The following CEP290 variants were observed in gnomAD, a reference collection of about 807,000 sequenced individuals.
CEP290 encodes the protein centrosomal protein 290, also known as centrosomal protein of 290 kDa.
Under a neutral mutation model 344.9 loss-of-function variants are expected in CEP290, and 317 were observed. That is an observed-to-expected ratio of 0.92 (90% confidence interval 0.84 to 1.01). The LOEUF is 1.01. Among genes scored for constraint, CEP290 ranks in the 50% least tolerant of loss-of-function variants. The probability of loss-of-function intolerance (pLI) is 0.00; values close to 1 mark genes in which losing one functional copy is unlikely to be tolerated. For synonymous variants in CEP290, 932 were observed against 895.8 expected (o/e 1.04, Z -0.72); for missense variants, 2,754 against 2,761.4 (o/e 1.00, Z 0.06).
intron 29 of CEP290, among the ~76,000 whole-genome samples, chr12:88,091,244 G>C (rs1361086619): frequency 6.6e-6 from 1 of 151,978 alleles, no homozygotes; most frequent in East Asian, 1.9e-4. Flanking sequence ...GCTAGGATAA[G>C]GTATTTAGTA....
At chr12:88,111,173 T>G in intron 22 of CEP290, 29 bp downstream of exon 22, 1 of 1,281,452 alleles carries the variant, frequency 7.8e-7, no homozygotes, top group Non-Finnish European at 1.0e-6. Context: ...ATGTAAAATT[T>G]TCAATACCTG....
chr12:88,074,481 C>A (rs909975906), intron 41 of CEP290, among the ~76,000 whole-genome samples: 1 of 152,130 alleles, frequency 6.6e-6, no homozygotes, highest in Non-Finnish European at 1.5e-5. Flanking sequence ...AAACAACAAA[C>A]GTGAATGGTA....
At chr12:88,099,627 T>C (rs1256491632) in intron 26 of CEP290, among the ~76,000 whole-genome samples, 1 of 151,990 alleles carries the variant, frequency 6.6e-6, no homozygotes, top group Non-Finnish European at 1.5e-5. Context: ...TGAAGAATAA[T>C]ACAAACAGGG....
intron 49 of CEP290, chr12:88,057,964 G>A (rs921882009): frequency 4.6e-5 from 7 of 152,262 alleles, no homozygotes; most frequent in Non-Finnish European, 7.3e-5. Flanking sequence ...AGAATGTTGA[G>A]ATAAAGATGA....
At chr12:88,058,518 T>C (rs2034196050) in intron 49 of CEP290, 3 of 279,832 alleles carry the variant, frequency 1.1e-5, no homozygotes, top group South Asian at 1.1e-4. Flanking sequence ...TGGAGAAAAA[T>C]AGCACCCAGG....
chr12:88,138,821 A>C lies in CEP290; in HGVS notation c.297+324T>G, dbSNP rs556617927. On this transcript the variant is annotated intron_variant, in intron 5 of 53. Coordinates refer to ENST00000552810, the MANE Select transcript of CEP290 (RefSeq NM_025114.4). ...TATTTTAGCCTTCAGCTTTGTCAAA[A>C]ATTACTTCTATAACACCCTTTCGTC... Among the ~76,000 whole-genome samples, 5 of 152,250 alleles carry C rather than the reference A, an allele frequency of 3.3e-5. No homozygotes were observed. In the South Asian group the frequency reaches 1.0e-3, roughly 32 times the overall value.
In CEP290 at chr12:88,083,051, T is replaced by C; in HGVS notation, c.4992A>G (p.Glu1664=). 2 of 1,508,772 alleles carry C rather than the reference T, an allele frequency of 1.3e-6. No homozygotes were observed. Among genetic ancestry groups the C allele is most frequent in the Non-Finnish European group, 1.8e-6 (2 of 1,123,912 alleles). 93.5% of individuals were successfully genotyped at this position (1,508,772 alleles called of 1,614,324 possible). Residue 1664 remains glutamate (E), a synonymous_variant, in exon 37 of 54, where the codon GAA becomes GAG. Coordinates refer to ENST00000552810, the MANE Select transcript of CEP290 (RefSeq NM_025114.4). ...CTTACTGTAATTTGATATTTTCAAATTCTTTTACTTTTAATTCAGTGATTT... is the reference window on the plus strand; with the variant it reads ...CTTACTGTAATTTGATATTTTCAAACTCTTTTACTTTTAATTCAGTGATTT... ...QREITELKVK[E]FENIKLQLQE...
rs200969981 is a variant in CEP290, at chr12:88,054,359, G to A, written c.7015C>T (p.Arg2339Trp). The A allele has an allele frequency of 2.2e-4, 350 of 1,608,406 alleles. No individual in the cohort carries two copies. The highest frequency in any genetic ancestry group is 2.8e-4 in the Non-Finnish European group (328 of 1,177,440). The change falls in exon 51 of 54, where the codon CGG becomes TGG. Residue 2339 changes from arginine to tryptophan, a missense_variant. Physicochemically the swap from Arg to Trp is moderately radical, Grantham distance 101 (BLOSUM62 -3). Coordinates refer to ENST00000552810, the MANE Select transcript of CEP290 (RefSeq NM_025114.4). ...ATGTACCTAAGAACTTGAAGCTCCC[G>A]TTTAAGGCCTTGCTCTGTCTCAGCA... ...EGAETEQGLK[R>W]ELQVLRLANH...
chr12:88,130,431 C>T lies in CEP290; in HGVS notation c.517-11G>A. 1.9e-6 allele frequency: 3 copies of T among 1,600,902 alleles called. No homozygotes were observed. Among genetic ancestry groups the T allele is most frequent in the Non-Finnish European group, 2.6e-6 (3 of 1,176,166 alleles). On this transcript the variant is annotated splice_polypyrimidine_tract_variant and intron_variant, in intron 8 of 53. Coordinates refer to ENST00000552810, the MANE Select transcript of CEP290 (RefSeq NM_025114.4). ...ACAAAGTTGTTCATTCTGAAGGTAA[C>T]CAAACACAACATTCAATTACAAAAC...
rs756197493 is a variant in CEP290, at chr12:88,136,801, C to A, written c.298-15G>T. 1.9e-5 allele frequency: 31 copies of A among 1,611,176 alleles called. No homozygotes were observed. In the African/African-American group the frequency reaches 3.2e-4, roughly 17 times the overall value. On this transcript the variant is annotated splice_polypyrimidine_tract_variant and intron_variant, in intron 5 of 53. Transcript: ENST00000552810. Reference sequence around the variant, plus strand: ...TGCTGAGCCATCTTAAAGTAATAAACCCAAAGTATAAATTAATCCCATTAT... The same window carrying A: ...TGCTGAGCCATCTTAAAGTAATAAAACCAAAGTATAAATTAATCCCATTAT...
At position 88,079,975 on chromosome 12, in the gene CEP290, A is replaced by G. The variant is rs560114832; in HGVS notation, c.5226+207T>C. Among the ~76,000 whole-genome samples, 3 of 152,302 alleles carry G rather than the reference A, an allele frequency of 2.0e-5. No individual in the cohort carries two copies. In the South Asian group the frequency reaches 6.2e-4, roughly 32 times the overall value. On this transcript the variant is annotated intron_variant, in intron 38 of 53. Coordinates refer to ENST00000552810, the MANE Select transcript of CEP290 (RefSeq NM_025114.4). The stretch of plus-strand genomic sequence containing the variant: ...AGATAATTCACAAATCAGATTGACG[A>G]AAACATAAAAAGATAAATTGGACTA...
intron 6 of CEP290, chr12:88,136,400 G>A (rs754227901): frequency 7.1e-6 from 3 of 423,418 alleles, no homozygotes; most frequent in Admixed American, 4.2e-5. Flanking sequence ...TAACAAGTTT[G>A]ATGTCCTGAG....
intron 18 of CEP290, chr12:88,115,658 C>A: frequency 9.8e-7 from 1 of 1,019,648 alleles, no homozygotes. Flanking sequence ...ATGTGTATAA[C>A]TGATGTTAAA....
intron 37 of CEP290, among the ~76,000 whole-genome samples, chr12:88,082,564 C>A (rs1457733869): frequency 6.6e-6 from 1 of 152,024 alleles, no homozygotes; most frequent in African/African-American, 2.4e-5. Context: ...TGTGGTGGCA[C>A]CTGCCTGTAG....
Position 88,119,526 on chromosome 12 carries a change from C to T in CEP290, c.1522+588G>A, listed in dbSNP as rs149331751. 5.6e-3 allele frequency among the ~76,000 whole-genome samples: 852 copies of T among 152,198 alleles called. 15 individuals carry two copies. Among genetic ancestry groups the T allele is most frequent in the African/African-American group, 0.019 (785 of 41,520 alleles). The stretch of plus-strand genomic sequence containing the variant: ...TTAAAAGATTTTAACAGGCCAGGCG[C>T]GGTGGCTCATGCCTATTATCCCAGC... On this transcript the variant is annotated intron_variant, in intron 15 of 53. Transcript: ENST00000552810.
At chr12:88,120,303 A>T in intron 14 of CEP290, 27 bp from the exon 15 acceptor site, 1 of 1,137,512 alleles carries the variant, frequency 8.8e-7, no homozygotes, top group Non-Finnish European at 1.2e-6. Context: ...TTAATTTAAA[A>T]TATAACATGG....
At chr12:88,095,119 A>G (rs2037335463) in intron 27 of CEP290, among the ~76,000 whole-genome samples, 2 of 152,196 alleles carry the variant, frequency 1.3e-5, no homozygotes, top group South Asian at 4.1e-4. Context: ...AACCTTAGGC[A>G]CCATGTAGAA....
intron 43 of CEP290, among the ~76,000 whole-genome samples, 178 bp from the exon 44 acceptor site, chr12:88,068,823 T>C (rs1185101634): frequency 2.0e-5 from 3 of 152,156 alleles, no homozygotes; most frequent in African/African-American, 4.8e-5. Context: ...ATTAGTATTA[T>C]AAAATAATCC....
At chr12:88,073,758 G>A (rs865934893) in intron 41 of CEP290, among the ~76,000 whole-genome samples, 2 of 151,780 alleles carry the variant, frequency 1.3e-5, no homozygotes, top group Non-Finnish European at 2.9e-5. Flanking sequence ...ATAGTAAGAC[G>A]TCATCTCAAA....
Sources: allele counts gnomAD v4.1 joint callset (sites outside exome capture counted in the v4.1 genomes callset), GRCh38; gene constraint gnomAD v4.1.1; transcripts MANE v1.5; gene names NCBI Gene and HGNC (gene_info 2026-07-23, HGNC 2026-07-21).